VAV2: variants seen among roughly 807,000 people sequenced by gnomAD.
VAV2 encodes the protein guanine nucleotide exchange factor VAV2.
A neutral mutation model predicts 132.5 loss-of-function variants in VAV2; 67 were observed. That is an observed-to-expected ratio of 0.51 (90% CI 0.42 to 0.62). The LOEUF is 0.62. Ranked by LOEUF, VAV2 falls within the 20% of genes least tolerant of loss-of-function variation. The probability of loss-of-function intolerance (pLI) is 0.00; values close to 1 mark genes in which losing one functional copy is unlikely to be tolerated. For synonymous variants in VAV2, 492 were observed against 443.5 expected, an observed-to-expected ratio of 1.11 and a Z score of -1.37; for missense variants, 938 against 1,153.6, an observed-to-expected ratio of 0.81 and a Z score of 2.71.
At chr9:133,871,209 T>G (rs1838022928) in intron 2 of VAV2, among the ~76,000 whole-genome samples, 1 of 145,100 alleles carries the variant, frequency 6.9e-6, no homozygotes, top group African/African-American at 2.6e-5. Flanking sequence ...GCTGGCTGGA[T>G]GGATAAGTGG....
rs537513857 is a variant in VAV2 at position 133,841,211 on chromosome 9, G to A, written c.381-6871C>T. 2.6e-5 allele frequency among the ~76,000 whole-genome samples: 4 copies of A among 152,092 alleles called. No individual in the cohort carries two copies. The South Asian group carries it at 8.3e-4, about 32-fold the overall frequency. ...AAACGTGGGGTTCAATGGGGAGCAC[G>A]ACCGCTTGTTGGTGCTGATCTAAGA... On this transcript the variant is annotated intron_variant, in intron 3 of 29. Transcript: ENST00000371850.
chr9:133,795,385 G>A (rs1335657134), intron 12 of VAV2, among the ~76,000 whole-genome samples: 2 of 152,180 alleles, frequency 1.3e-5, no homozygotes, highest in East Asian at 1.9e-4. Context: ...CCAATGCCTG[G>A]GGGAAAAGCA....
Position 133,796,420 on chromosome 9 carries a change from G to A in VAV2, c.1032+9C>T. Reference sequence around the variant, plus strand: ...TGACCCCGCAGGCACCCGGGGCCCAGAGCCTCACCTTCAAGAGCAGGTGGT... The same window carrying A: ...TGACCCCGCAGGCACCCGGGGCCCAAAGCCTCACCTTCAAGAGCAGGTGGT... On this transcript the variant is annotated intron_variant, in intron 11 of 29. Coordinates refer to ENST00000371850, the MANE Select transcript of VAV2 (RefSeq NM_001134398.2). 6.2e-7 allele frequency: 1 copy of A among 1,612,032 alleles called. No homozygotes were observed. Among genetic ancestry groups the A allele is most frequent in the Non-Finnish European group, 8.5e-7 (1 of 1,179,270 alleles).
chr9:133,925,439 A>T (rs1256543024), intron 2 of VAV2, among the ~76,000 whole-genome samples: 1 of 152,200 alleles, frequency 6.6e-6, no homozygotes, highest in Admixed American at 6.5e-5. Context: ...GCTGGTCTTA[A>T]ACTCCTGAGC....
intron 1 of VAV2, among the ~76,000 whole-genome samples, chr9:133,981,928 G>A (rs1842707146): frequency 6.6e-6 from 1 of 152,256 alleles, no homozygotes; most frequent in Admixed American, 6.5e-5. Flanking sequence ...GGCACGAAGA[G>A]GGCCTGGGAG....
In VAV2 at chr9:133,991,622, G is replaced by A. The variant is rs1843021855; in HGVS notation, c.204+453C>T. On this transcript the variant is annotated intron_variant, in intron 1 of 29. Transcript: ENST00000371850. This position sits in a 1 kb window ranked among gnomAD's most constrained non-coding sequence, Gnocchi z 4.8. The stretch of plus-strand genomic sequence containing the variant: ...CGCGCCCCTCCCGGGCCCTCCAGCC[G>A]CGCCCCGGGCCGGCGCAGCGACCGC... Among the ~76,000 whole-genome samples, 2 of 151,276 alleles carry A rather than the reference G, an allele frequency of 1.3e-5. No homozygotes were observed. Among genetic ancestry groups the A allele is most frequent in the Admixed American group, 1.3e-4 (2 of 15,176 alleles).
At chr9:133,830,075 T>A (rs1160000480) in intron 4 of VAV2, among the ~76,000 whole-genome samples, 2 of 152,184 alleles carry the variant, frequency 1.3e-5, no homozygotes, top group African/African-American at 4.8e-5. Flanking sequence ...TGCCCCTCGC[T>A]GGTGTCCTAA....
intron 1 of VAV2, among the ~76,000 whole-genome samples, chr9:133,955,786 C>A (rs1439647049): frequency 5.5e-5 from 1 of 18,246 alleles, no homozygotes; most frequent in African/African-American, 3.2e-4. Context: ...CCCACCCCCC[C>A]ACTTGCACTC....
Position 133,928,908 on chromosome 9 carries a change from C to A in VAV2, c.321+10195G>T, listed in dbSNP as rs1290165333. Among the ~76,000 whole-genome samples the A allele has an allele frequency of 6.6e-6, 1 of 152,168 alleles. No homozygotes were observed. Among genetic ancestry groups the A allele is most frequent in the Non-Finnish European group, 1.5e-5 (1 of 68,028 alleles). On this transcript the variant is annotated intron_variant, in intron 2 of 29. Transcript: ENST00000371850. The surrounding 1 kb of genome is among the most constrained non-coding windows in gnomAD (Gnocchi z 5.4). ...AGGCCACTGGAATGGCCATCAGATGCACCCCTGCCCACTGCCAGGGTCATC... is the reference window on the plus strand; with the variant it reads ...AGGCCACTGGAATGGCCATCAGATGAACCCCTGCCCACTGCCAGGGTCATC...
intron 1 of VAV2, among the ~76,000 whole-genome samples, chr9:133,973,554 C>T (rs1842409148): frequency 6.6e-6 from 1 of 152,190 alleles, no homozygotes; most frequent in Non-Finnish European, 1.5e-5. Context: ...AGGAAGGAGA[C>T]CCAAAGAAGC....
At chr9:133,922,352 GTGA>G (rs772035234) in intron 2 of VAV2, among the ~76,000 whole-genome samples, 5 of 152,378 alleles carry the variant, frequency 3.3e-5, no homozygotes, top group Non-Finnish European at 7.3e-5. Context: ...AAGGGGCCTG[GTGA>G]TGATGATGCC....
At chr9:133,836,208 A>C (rs1404960545) in intron 3 of VAV2, among the ~76,000 whole-genome samples, 1 of 152,178 alleles carries the variant, frequency 6.6e-6, no homozygotes, top group Admixed American at 6.5e-5. Flanking sequence ...CCTGGAGGGG[A>C]CTGGCCCACA....
At position 133,788,635 on chromosome 9, in the gene VAV2, G is replaced by A. The variant is rs559760229; in HGVS notation, c.1275-149C>T. On this transcript the variant is annotated intron_variant, in intron 14 of 29. Coordinates refer to ENST00000371850, the MANE Select transcript of VAV2 (RefSeq NM_001134398.2). The surrounding 1 kb of genome is among the most constrained non-coding windows in gnomAD (Gnocchi z 5.3). ...ACCTGGCTCACCAGGCTAATGCTGAGCCTCGGTCAGGTCTCGGCTGTTCCC... is the reference window on the plus strand; with the variant it reads ...ACCTGGCTCACCAGGCTAATGCTGAACCTCGGTCAGGTCTCGGCTGTTCCC... The A allele has an allele frequency of 2.5e-4, 293 of 1,171,730 alleles. 3 individuals are homozygous for A. The South Asian group carries it at 4.5e-3, about 18-fold the overall frequency. 72.6% of individuals were successfully genotyped at this position (1,171,730 alleles called of 1,614,324 possible). A position where few individuals can be genotyped will look rare whatever the true frequency, so the allele number is the denominator to read the frequency against.
At chr9:133,881,151 G>A (rs572951184) in intron 2 of VAV2, among the ~76,000 whole-genome samples, 13 of 152,244 alleles carry the variant, frequency 8.5e-5, no homozygotes, top group Non-Finnish European at 1.8e-4. Context: ...AGCTAGGACT[G>A]GCCTTCAGGC....
intron 1 of VAV2, among the ~76,000 whole-genome samples, chr9:133,951,968 C>T (rs1433877201): frequency 1.3e-5 from 2 of 152,122 alleles, no homozygotes; most frequent in Admixed American, 1.3e-4. Flanking sequence ...GTGGCTTCTC[C>T]TTGTACCATT....
chr9:133,855,180 C>T (rs1336893754), intron 3 of VAV2, among the ~76,000 whole-genome samples: 2 of 152,180 alleles, frequency 1.3e-5, no homozygotes, highest in Non-Finnish European at 2.9e-5. Flanking sequence ...GAGAAGAGGC[C>T]GGGACTCGTG....
chr9:133,969,167 G>A lies in VAV2; in HGVS notation c.204+22908C>T, dbSNP rs1454165123. 1.3e-5 allele frequency among the ~76,000 whole-genome samples: 2 copies of A among 151,478 alleles called. No individual in the cohort carries two copies. Among genetic ancestry groups the A allele is most frequent in the Non-Finnish European group, 2.9e-5 (2 of 67,864 alleles). On this transcript the variant is annotated intron_variant, in intron 1 of 29. Coordinates refer to ENST00000371850, the MANE Select transcript of VAV2 (RefSeq NM_001134398.2). This position sits in a 1 kb window ranked among gnomAD's most constrained non-coding sequence, Gnocchi z 5.1. ...GGATTCCACCGTGCCCGCCGGGCCTGCGAGGACGAGAGCTGGATTCCACCG... is the reference window on the plus strand; with the variant it reads ...GGATTCCACCGTGCCCGCCGGGCCTACGAGGACGAGAGCTGGATTCCACCG...
At position 133,863,789 on chromosome 9, in the gene VAV2, C is replaced by T. The variant is rs1282823196; in HGVS notation, c.322-2357G>A. Among the ~76,000 whole-genome samples the T allele has an allele frequency of 6.6e-6, 1 of 152,216 alleles. No individual in the cohort carries two copies. Among genetic ancestry groups the T allele is most frequent in the African/African-American group, 2.4e-5 (1 of 41,458 alleles). On this transcript the variant is annotated intron_variant, in intron 2 of 29. Coordinates refer to ENST00000371850, the MANE Select transcript of VAV2 (RefSeq NM_001134398.2). The surrounding 1 kb of genome is among the most constrained non-coding windows in gnomAD (Gnocchi z 5.0). ...CTCAGAAGTCCACCACGGGGAACCA[C>T]ACTCCAGTGACCCAAAACCCAGGGC... is the stretch of plus-strand genomic sequence containing the variant.
At chr9:133,877,111 C>A (rs981377299) in intron 2 of VAV2, among the ~76,000 whole-genome samples, 2 of 152,166 alleles carry the variant, frequency 1.3e-5, no homozygotes, top group Non-Finnish European at 2.9e-5. Context: ...CACCACCACC[C>A]CATTTCTGTT....
Sources: gnomAD v4.1 joint callset for allele counts (sites outside exome capture counted in the v4.1 genomes callset) on GRCh38, gnomAD v4.1.1 for gene constraint, Gnocchi (gnomAD v3.1) non-coding constraint, MANE v1.5 for transcripts, NCBI Gene and HGNC (gene_info 2026-07-23, HGNC 2026-07-21) for gene names.